Variants in TAF4 observed in about 807,000 individuals in gnomAD.
TAF4 encodes transcription initiation factor TFIID subunit 4.
In TAF4, 9 loss-of-function variants were observed where a neutral mutation model predicts 90.3. That is an observed-to-expected ratio of 0.10 (90% CI 0.06 to 0.17). The LOEUF (loss-of-function observed/expected upper bound fraction) is 0.17. Among genes scored for constraint, TAF4 ranks in the 10% least tolerant of loss-of-function variants. The pLI, the probability that TAF4 is intolerant of heterozygous loss-of-function variation, is 1.00. For missense variants in TAF4, 1,351 were observed against 1,370.7 expected (o/e 0.99, Z 0.23); for synonymous variants, 818 against 638.9 (o/e 1.28, Z -4.23).
At chr20:62,007,806 A>G in intron 5 of TAF4, 170 bp from the exon 6 acceptor site, 1 of 605,864 alleles carries the variant, frequency 1.7e-6, no homozygotes, top group Non-Finnish European at 2.8e-6. Flanking sequence ...CATGTGTGAC[A>G]GGCGCTCACC....
Position 62,022,301 on chromosome 20 carries a change from A to G in TAF4, c.1361-7594T>C, listed in dbSNP as rs1034234987. Among the ~76,000 whole-genome samples the G allele has an allele frequency of 2.6e-5, 4 of 152,290 alleles. No individual in the cohort carries two copies. In the East Asian group the frequency reaches 7.7e-4, roughly 29 times the overall value. On this transcript the variant is annotated intron_variant, in intron 1 of 14. Transcript: ENST00000252996. ...TGGGAAGGGTCAGGGCTGGCTGCAG[A>G]ATAAAGGCAGCCCCTCTGGAAGGCC...
intron 14 of TAF4, among the ~76,000 whole-genome samples, chr20:61,987,171 G>A (rs940112118): frequency 5.3e-5 from 8 of 152,176 alleles, no homozygotes; most frequent in Admixed American, 2.0e-4. Context: ...TTCTAACTGA[G>A]ATTCTACAGC....
chr20:61,998,261 T>C (rs2055675875), intron 12 of TAF4, 69 bp from the exon 13 acceptor site: 2 of 1,506,214 alleles, frequency 1.3e-6, no homozygotes, highest in Admixed American at 1.8e-5. Context: ...ACAAATGTGT[T>C]ATCTTATTTA....
At chr20:62,043,882 G>A (rs1386713671) in intron 1 of TAF4, among the ~76,000 whole-genome samples, 1 of 152,196 alleles carries the variant, frequency 6.6e-6, no homozygotes, top group Non-Finnish European at 1.5e-5. Flanking sequence ...GCGCGCGACT[G>A]TACCTGGTTT....
intron 2 of TAF4, among the ~76,000 whole-genome samples, chr20:62,014,018 G>GT (rs1491302932): frequency 1.0e-3 from 125 of 119,316 alleles, no homozygotes; most frequent in African/African-American, 4.8e-3. Context: ...GCGGGGGTGT[G>GT]GGTGTGTGTG....
Position 62,065,069 on chromosome 20 carries a change from CGGCGGCGCCCACGAAGGGGGGCGT to C in TAF4, c.718_741del (p.Thr240_Ala247del). ...GAGGGCGCGGCGGGCGCGGGGGGCG[CGGCGGCGCCCACGAAGGGGGGCGT>C]CTGGATGACAGTGCCGGGGGCGGCG... On this transcript the variant is annotated inframe_deletion, in exon 1 of 15. Transcript: ENST00000252996. The C allele has an allele frequency of 2.3e-6, 2 of 872,414 alleles. No individual in the cohort carries two copies. Among genetic ancestry groups the C allele is most frequent in the Non-Finnish European group, 2.7e-6 (2 of 753,198 alleles). The allele number at this position is 872,414 out of a possible 1,614,324, so 54.0% of individuals were successfully genotyped here. A position where few individuals can be genotyped will look rare whatever the true frequency, so the allele number is the denominator to read the frequency against.
At chr20:62,014,042 G>A (rs895007899) in intron 2 of TAF4, among the ~76,000 whole-genome samples, 9 of 130,444 alleles carry the variant, frequency 6.9e-5, no homozygotes, top group African/African-American at 3.0e-4. Flanking sequence ...GTGTGTGTGT[G>A]TGTATGTGTG....
chr20:62,039,924 A>C (rs184912112), intron 1 of TAF4, among the ~76,000 whole-genome samples: 1 of 152,340 alleles, frequency 6.6e-6, no homozygotes, highest in African/African-American at 2.4e-5. Flanking sequence ...CACTAGGGAA[A>C]TGCAAATCAA....
chr20:62,040,526 C>T (rs866861421), intron 1 of TAF4, among the ~76,000 whole-genome samples: 2 of 152,252 alleles, frequency 1.3e-5, no homozygotes, highest in African/African-American at 4.8e-5. Flanking sequence ...CTGTACTCGA[C>T]GGTGGTGGTG....
Position 62,046,417 on chromosome 20 carries a change from T to C in TAF4, c.1360+18034A>G, listed in dbSNP as rs28382016. The stretch of plus-strand genomic sequence containing the variant: ...CAACCACAACTGTTCCAGCTTAGCT[T>C]TTTCTAGAATTTCATACAAATGAAA... On this transcript the variant is annotated intron_variant, in intron 1 of 14. Coordinates refer to ENST00000252996, the MANE Select transcript of TAF4 (RefSeq NM_003185.4). 1.5e-3 allele frequency among the ~76,000 whole-genome samples: 235 copies of C among 152,322 alleles called. 11 individuals are homozygous for C. The South Asian group carries it at 0.048, about 31-fold the overall frequency.
intron 1 of TAF4, among the ~76,000 whole-genome samples, chr20:62,021,081 C>A (rs552635629): frequency 6.6e-6 from 1 of 152,156 alleles, no homozygotes; most frequent in Admixed American, 6.5e-5. Flanking sequence ...GAGAGCTCCA[C>A]AGAAACGGGA....
chr20:62,024,629 G>A (rs753411967), intron 1 of TAF4, among the ~76,000 whole-genome samples: 1 of 152,208 alleles, frequency 6.6e-6, no homozygotes, highest in Non-Finnish European at 1.5e-5. Flanking sequence ...AGCACTTTGG[G>A]AGGCCGAGGA....
At chr20:62,018,556 G>C (rs1201294727) in intron 1 of TAF4, among the ~76,000 whole-genome samples, 3 of 152,360 alleles carry the variant, frequency 2.0e-5, no homozygotes, top group African/African-American at 7.2e-5. Context: ...CACGTGGCAG[G>C]TGTGGCCCCC....
chr20:62,059,901 C>A (rs2056080065), intron 1 of TAF4, among the ~76,000 whole-genome samples: 2 of 152,236 alleles, frequency 1.3e-5, no homozygotes, highest in Admixed American at 1.3e-4. Context: ...TTACAACCAA[C>A]AATTTATAAA....
At chr20:61,997,068 G>T (rs962684042) in intron 14 of TAF4, among the ~76,000 whole-genome samples, 20 of 152,116 alleles carry the variant, frequency 1.3e-4, no homozygotes, top group African/African-American at 4.6e-4. Flanking sequence ...AAAATAACAT[G>T]TCAAGGCTGG....
chr20:62,027,336 G>A (rs2055880757), intron 1 of TAF4, among the ~76,000 whole-genome samples: 1 of 152,174 alleles, frequency 6.6e-6, no homozygotes, highest in Non-Finnish European at 1.5e-5. Context: ...CCTTCACCCA[G>A]CCTTCAGCAT....
intron 2 of TAF4, 22 bp downstream of exon 2, chr20:62,014,525 T>C (rs773261713): frequency 1.3e-6 from 2 of 1,585,904 alleles, no homozygotes; most frequent in South Asian, 1.1e-5. Context: ...GGGTTCGCAC[T>C]CCAGGGCACA....
chr20:62,018,844 G>C (rs990338045), intron 1 of TAF4, among the ~76,000 whole-genome samples: 1 of 152,236 alleles, frequency 6.6e-6, no homozygotes, highest in Non-Finnish European at 1.5e-5. Flanking sequence ...AACCAAGATG[G>C]GCAATTCCAG....
chr20:62,012,822 C>T lies in TAF4; in HGVS notation c.1634G>A (p.Gly545Asp), dbSNP rs2055787261. 1 of 1,611,872 alleles carries T rather than the reference C, an allele frequency of 6.2e-7. No individual in the cohort carries two copies. Among genetic ancestry groups the T allele is most frequent in the South Asian group, 1.1e-5 (1 of 90,598 alleles). ...QPSATLQRSP[G>D]VQPQLVLGGA... is the part of the protein sequence containing the mutation. ...CGCCGCCTGCCCTCTCACCTGGACG[C>T]CGGGCGAGCGCTGCAGGGTTGCACT... The change falls in exon 3 of 15, where the codon GGC (glycine) becomes GAC (aspartate). Residue 545 changes from glycine to aspartate, a missense_variant. Physicochemically the swap from Gly to Asp is moderately conservative, Grantham distance 94. Around this residue, in one of 9 missense-constraint regions of TAF4, gnomAD observed 143 missense variants for 176.3 expected, o/e 0.81. Coordinates refer to ENST00000252996, the MANE Select transcript of TAF4 (RefSeq NM_003185.4).
Sources: gnomAD v4.1 joint callset for allele counts (sites outside exome capture counted in the v4.1 genomes callset) on GRCh38, gnomAD v4.1.1 for gene constraint, gnomAD v4.1.1 regional missense constraint, MANE v1.5 for transcripts, NCBI Gene and HGNC (gene_info 2026-07-23, HGNC 2026-07-21) for gene names.